MICA: variants seen among roughly 807,000 people sequenced by gnomAD.
The protein encoded by MICA is MHC class I polypeptide-related sequence A, also known as HLA class I antigen.
MICA carries 18 observed loss-of-function variants against 34.3 expected under a neutral mutation model. The ratio of observed to expected loss-of-function variants is 0.52; its 90% confidence interval spans 0.36 to 0.78. MICA has a LOEUF of 0.78. Among genes scored for constraint, MICA ranks in the 30% least tolerant of loss-of-function variants. MICA has a pLI of 0.00. For synonymous variants in MICA, 135 were observed against 156.9 expected (o/e 0.86, Z 1.04); for missense variants, 333 against 409.4 (o/e 0.81, Z 1.61).
rs759449533 is a variant in MICA, at chr6:31,412,375, G to T, written c.943G>T (p.Val315Phe). 6.6e-7 allele frequency: 1 copy of T among 1,518,268 alleles called. No individual in the cohort carries two copies. Among genetic ancestry groups the T allele is most frequent in the African/African-American group, 1.9e-5 (1 of 51,790 alleles). The allele number at this position is 1,518,268 out of a possible 1,614,324, so 94.0% of individuals were successfully genotyped here. A position where few individuals can be genotyped will look rare whatever the true frequency, so the allele number is the denominator to read the frequency against. The change falls in exon 5 of 6, where the codon GTT becomes TTT. Residue 315 changes from valine (V) to phenylalanine (F), a missense_variant. By Grantham distance (50) the Val-to-Phe change is conservative. Transcript: ENST00000449934. ...TTGGCAGACATTCCATGTTTCTGCTGTTGCTGCTGGCTGCTGCTATTTTTG... is the reference window on the plus strand; with the variant it reads ...TTGGCAGACATTCCATGTTTCTGCTTTTGCTGCTGGCTGCTGCTATTTTTG... ...SHWQTFHVSAVAAGCCYFCYY... is the reference protein window; with the variant it reads ...SHWQTFHVSAFAAGCCYFCYY...
At chr6:31,407,692 G>T (rs184584873) in intron 1 of MICA, among the ~76,000 whole-genome samples, 96 of 152,020 alleles carry the variant, frequency 6.3e-4, no homozygotes, top group South Asian at 3.9e-3. Flanking sequence ...TTTGCATGTT[G>T]ATTTTGTATC....
Position 31,415,179 on chromosome 6 carries a change from G to T in MICA, c.*197G>T, listed in dbSNP as rs1465543294. ...CGGCTGGAATTGAATTCCCTGCCTG[G>T]ATCTCACAAGCACTTTCCCTCTTGG... On this transcript the variant is annotated 3_prime_UTR_variant, in exon 6 of 6. Transcript: ENST00000449934. 1.2e-6 allele frequency: 1 copy of T among 813,744 alleles called. No individual in the cohort carries two copies. The highest frequency in any genetic ancestry group is 1.7e-5 in the African/African-American group (1 of 57,900). 50.4% of individuals were successfully genotyped at this position (813,744 alleles called of 1,614,324 possible). A position where few individuals can be genotyped will look rare whatever the true frequency, so the allele number is the denominator to read the frequency against.
In MICA at chr6:31,411,329, C is replaced by T; in HGVS notation, c.583C>T (p.Leu195=). The part of the protein sequence containing the change: ...ADCLQELRRY[L]ESGVVLRRTV... Reference sequence around the variant, plus strand: ...CTGCCTGCAGGAACTACGGCGATATCTAGAATCCGGCGTAGTCCTGAGGAG... The same window carrying T: ...CTGCCTGCAGGAACTACGGCGATATTTAGAATCCGGCGTAGTCCTGAGGAG... Residue 195 remains leucine, a synonymous_variant, in exon 3 of 6, where the codon CTA becomes TTA. Coordinates refer to ENST00000449934, the MANE Select transcript of MICA (RefSeq NM_001177519.3). The surrounding 1 kb of genome is among the most constrained non-coding windows in gnomAD (Gnocchi z 4.3). 6.3e-7 allele frequency: 1 copy of T among 1,587,790 alleles called. No individual in the cohort carries two copies. Among genetic ancestry groups the T allele is most frequent in the Non-Finnish European group, 8.6e-7 (1 of 1,167,784 alleles).
rs1215469471 is a variant in MICA, at chr6:31,410,561, A to G, written c.89A>G (p.Tyr30Cys). The stretch of plus-strand genomic sequence containing the variant: ...TCCCCAGAGCCCCACAGTCTTCGTT[A>G]TAACCTCACGGTGCTGTCCTGGGAT... ...GAAAEPHSLRYNLTVLSWDGS... is the reference protein window; with the variant it reads ...GAAAEPHSLRCNLTVLSWDGS... The change falls in exon 2 of 6, where the codon TAT (tyrosine) becomes TGT (cysteine). Residue 30 changes from tyrosine to cysteine, a missense_variant. By Grantham distance (194) the Tyr-to-Cys change is radical. Coordinates refer to ENST00000449934, the MANE Select transcript of MICA (RefSeq NM_001177519.3). 3.1e-6 allele frequency: 5 copies of G among 1,612,980 alleles called. No homozygotes were observed. The highest frequency in any genetic ancestry group is 1.7e-5 in the Admixed American group (1 of 59,714).
rs773994632 is a variant in MICA, at chr6:31,403,730, C to A, written c.70+28C>A. 20 of 1,523,962 alleles carry A rather than the reference C, an allele frequency of 1.3e-5. 1 individual carries two copies. The South Asian group carries it at 2.3e-4, about 18-fold the overall frequency. The allele number at this position is 1,523,962 out of a possible 1,614,324, so 94.4% of individuals were successfully genotyped here. On this transcript the variant is annotated intron_variant, in intron 1 of 5. Transcript: ENST00000449934. This position sits in a 1 kb window ranked among gnomAD's most constrained non-coding sequence, Gnocchi z 4.7. ...GAGTGGCGTTCCTGGCGGTCCTCGGCGGAGCGGGAGCAGTGGGACGTTTCC... is the reference window on the plus strand; with the variant it reads ...GAGTGGCGTTCCTGGCGGTCCTCGGAGGAGCGGGAGCAGTGGGACGTTTCC...
At chr6:31,412,991 G>C (rs1337797822) in intron 5 of MICA, among the ~76,000 whole-genome samples, 1 of 151,602 alleles carries the variant, frequency 6.6e-6, no homozygotes, top group African/African-American at 2.4e-5. Context: ...ATGAGGCCCA[G>C]CCTGGGGGCC....
chr6:31,411,840 C>T lies in MICA; in HGVS notation c.614-107C>T. On this transcript the variant is annotated intron_variant, in intron 3 of 5. Transcript: ENST00000449934. The surrounding 1 kb of genome is among the most constrained non-coding windows in gnomAD (Gnocchi z 4.3). ...GAGGACAGACTTGCAGGTCAGGGGT[C>T]CCGGAGGGCTTCAGCCAGAGTGAGA... The T allele has an allele frequency of 6.8e-7, 1 of 1,470,536 alleles. No homozygotes were observed. The highest frequency in any genetic ancestry group is 1.4e-5 in the South Asian group (1 of 72,294). The allele number at this position is 1,470,536 out of a possible 1,614,324, so 91.1% of individuals were successfully genotyped here. A position where few individuals can be genotyped will look rare whatever the true frequency, so the allele number is the denominator to read the frequency against.
At position 31,405,195 on chromosome 6, in the gene MICA, T is replaced by A. The variant is rs538411038; in HGVS notation, c.70+1493T>A. Among the ~76,000 whole-genome samples the A allele has an allele frequency of 4.9e-4, 74 of 151,304 alleles. 1 individual carries two copies. Among genetic ancestry groups the A allele is most frequent in the African/African-American group, 1.8e-3 (73 of 40,958 alleles). The stretch of plus-strand genomic sequence containing the variant: ...ACCTAAAACAGGCTGTTGGGCCAAC[T>A]GTTCCTTGACCTTCCTTCTTTTCTT... On this transcript the variant is annotated intron_variant, in intron 1 of 5. Coordinates refer to ENST00000449934, the MANE Select transcript of MICA (RefSeq NM_001177519.3).
chr6:31,414,370 G>C (rs7775227), intron 5 of MICA, among the ~76,000 whole-genome samples: 48,641 of 151,936 alleles, frequency 0.32, 8,378 homozygotes, highest in African/African-American at 0.4. Context: ...GGTTACTCAA[G>C]AGCAGGTCAC....
chr6:31,406,984 G>A (rs1770781323), intron 1 of MICA, among the ~76,000 whole-genome samples: 1 of 151,932 alleles, frequency 6.6e-6, no homozygotes, highest in South Asian at 2.1e-4. Context: ...GTCAGATAAT[G>A]TGATTCCTCT....
At position 31,410,664 on chromosome 6, in the gene MICA, C is replaced by T. The variant is rs767583126; in HGVS notation, c.192C>T (p.Cys64=). 3 of 1,613,558 alleles carry T rather than the reference C, an allele frequency of 1.9e-6. No homozygotes were observed. The highest frequency in any genetic ancestry group is 2.5e-6 in the Non-Finnish European group (3 of 1,180,032). The change falls in exon 2 of 6, where the codon TGC becomes TGT. Residue 64 remains cysteine, a synonymous_variant. Transcript: ENST00000449934. The part of the protein sequence containing the change: ...QPFLRYDRQK[C]RAKPQGQWAE... The stretch of plus-strand genomic sequence containing the variant: ...TCCTGCGCTATGACAGGCAGAAATG[C>T]AGGGCAAAGCCCCAGGGACAGTGGG...
chr6:31,413,058 G>A (rs1771296132), intron 5 of MICA, among the ~76,000 whole-genome samples: 2 of 151,644 alleles, frequency 1.3e-5, no homozygotes, highest in South Asian at 4.2e-4. Flanking sequence ...GAGCACACAT[G>A]GCCATCTCTG....
At chr6:31,405,379 T>C (rs1770695712) in intron 1 of MICA, among the ~76,000 whole-genome samples, 1 of 151,106 alleles carries the variant, frequency 6.6e-6, no homozygotes, top group South Asian at 2.1e-4. Flanking sequence ...GTTTTCTCTC[T>C]CTGGCCAGCA....
At chr6:31,406,300 T>A (rs1012949825) in intron 1 of MICA, among the ~76,000 whole-genome samples, 7 of 151,872 alleles carry the variant, frequency 4.6e-5, no homozygotes, top group South Asian at 4.2e-4. Flanking sequence ...CCTTCATCTG[T>A]TGACGAATGA....
At position 31,412,830 on chromosome 6, in the gene MICA, A is replaced by G. The variant is rs563026834; in HGVS notation, c.*29+370A>G. On this transcript the variant is annotated intron_variant, in intron 5 of 5. Transcript: ENST00000449934. ...TAAGGGCCTGGATGATCACGGCCTC[A>G]GAGGGAGCAAATAGTAAAGGCAGCT... Among the ~76,000 whole-genome samples, 32 of 152,002 alleles carry G rather than the reference A, an allele frequency of 2.1e-4. 1 individual carries two copies. Among genetic ancestry groups the G allele is most frequent in the African/African-American group, 7.2e-4 (30 of 41,390 alleles).
At position 31,411,670 on chromosome 6, in the gene MICA, C is replaced by T. The variant is rs1174346580; in HGVS notation, c.614-277C>T. On this transcript the variant is annotated intron_variant, in intron 3 of 5. Coordinates refer to ENST00000449934, the MANE Select transcript of MICA (RefSeq NM_001177519.3). This position sits in a 1 kb window ranked among gnomAD's most constrained non-coding sequence, Gnocchi z 4.3. The stretch of plus-strand genomic sequence containing the variant: ...CCCCTCTGCCTCCCAGCCTGCCCAT[C>T]CTGGAGAGTTCCCTCCTGGCCCCAC... Among the ~76,000 whole-genome samples, 3 of 151,770 alleles carry T rather than the reference C, an allele frequency of 2.0e-5. No individual in the cohort carries two copies. Among genetic ancestry groups the T allele is most frequent in the Admixed American group, 2.0e-4 (3 of 15,202 alleles).
intron 1 of MICA, among the ~76,000 whole-genome samples, chr6:31,409,169 C>A (rs1671367071): frequency 6.6e-6 from 1 of 151,802 alleles, no homozygotes; most frequent in Non-Finnish European, 1.5e-5. Context: ...TGGGTTACTT[C>A]TACCTTTTGG....
Position 31,403,833 on chromosome 6 carries a change from G to C in MICA, c.70+131G>C, listed in dbSNP as rs1770592551. 4 of 793,750 alleles carry C rather than the reference G, an allele frequency of 5.0e-6. No homozygotes were observed. The highest frequency in any genetic ancestry group is 7.7e-6 in the Non-Finnish European group (4 of 520,212). 49.2% of individuals were successfully genotyped at this position (793,750 alleles called of 1,614,324 possible). Reference sequence around the variant, plus strand: ...GCCCTGTCGGTGGCGCAGGGAGCTGGACGCGGCCCGTTACCGCCACACTTC... The same window carrying C: ...GCCCTGTCGGTGGCGCAGGGAGCTGCACGCGGCCCGTTACCGCCACACTTC... On this transcript the variant is annotated intron_variant, in intron 1 of 5. Transcript: ENST00000449934. The surrounding 1 kb of genome is among the most constrained non-coding windows in gnomAD (Gnocchi z 4.7).
rs1217220852 is a variant in MICA at position 31,412,346 on chromosome 6, G to A, written c.914G>A (p.Ser305Asn). The A allele has an allele frequency of 6.3e-7, 1 of 1,596,510 alleles. No individual in the cohort carries two copies. ...VPSGKVLVLQ[S>N]HWQTFHVSAV... is the part of the protein sequence containing the mutation. ...TCAGGGAAAGTGCTGGTGCTTCAGA[G>A]TCATTGGCAGACATTCCATGTTTCT... is the stretch of plus-strand genomic sequence containing the variant. The change falls in exon 5 of 6, where the codon AGT becomes AAT. Residue 305 changes from serine to asparagine, a missense_variant. By Grantham distance (46) the Ser-to-Asn change is conservative. Coordinates refer to ENST00000449934, the MANE Select transcript of MICA (RefSeq NM_001177519.3).
Sources: allele counts gnomAD v4.1 joint callset (sites outside exome capture counted in the v4.1 genomes callset), GRCh38; gene constraint gnomAD v4.1.1; non-coding constraint Gnocchi (gnomAD v3.1); transcripts MANE v1.5; gene names NCBI Gene and HGNC (gene_info 2026-07-23, HGNC 2026-07-21).